The following QTMAN variants were observed in gnomAD, a reference collection of about 807,000 sequenced individuals.
QTMAN encodes queuosine-tRNA mannosyltransferase, also known as tRNA-queuosine alpha-mannosyltransferase.
chr2:143,942,763 A>T, the QTMAN span: 1 of 167,072 alleles, frequency 6.0e-6, no homozygotes, highest in East Asian at 1.9e-4. Context: ...GCTCCTGTTA[A>T]GCAGAGGAAA....
chr2:144,325,998 T>C, the QTMAN span, among the ~76,000 whole-genome samples: 2 of 152,218 alleles, frequency 1.3e-5, no homozygotes, highest in Admixed American at 6.5e-5. Context: ...TGGGATTGTA[T>C]AGAGAACAAA....
chr2:143,950,759 T>C, the QTMAN span, among the ~76,000 whole-genome samples: 1 of 151,608 alleles, frequency 6.6e-6, no homozygotes, highest in Non-Finnish European at 1.5e-5. Flanking sequence ...ACTACTGAAC[T>C]TTAAAAATTA....
At chr2:144,148,368 G>A in the QTMAN span, among the ~76,000 whole-genome samples, 1 of 151,784 alleles carries the variant, frequency 6.6e-6, no homozygotes, top group Non-Finnish European at 1.5e-5. Context: ...ATGTGAACAG[G>A]TGTGTAGTAA....
the QTMAN span, among the ~76,000 whole-genome samples, chr2:144,174,101 A>G: frequency 6.6e-6 from 1 of 152,210 alleles, no homozygotes; most frequent in Non-Finnish European, 1.5e-5. Context: ...ACTAACAAAG[A>G]TACCTTCAAA....
the QTMAN span, among the ~76,000 whole-genome samples, chr2:144,108,950 A>G: frequency 6.6e-6 from 1 of 152,234 alleles, no homozygotes; most frequent in Non-Finnish European, 1.5e-5. Context: ...ATGCTCATGG[A>G]TAGGAAGAAT....
chr2:144,087,774 A>T, the QTMAN span, among the ~76,000 whole-genome samples: 1 of 152,100 alleles, frequency 6.6e-6, no homozygotes, highest in Non-Finnish European at 1.5e-5. Context: ...AAACTCACCA[A>T]TCTAGGCATA....
chr2:144,189,973 T>C, the QTMAN span, among the ~76,000 whole-genome samples: 1 of 152,216 alleles, frequency 6.6e-6, no homozygotes. Context: ...ATTTAGTATT[T>C]TATAGTAAAT....
the QTMAN span, among the ~76,000 whole-genome samples, chr2:144,085,656 A>G: frequency 6.6e-6 from 1 of 152,250 alleles, no homozygotes; most frequent in East Asian, 1.9e-4. Flanking sequence ...CATCCAATAC[A>G]CCCAAGAGAT....
the QTMAN span, among the ~76,000 whole-genome samples, chr2:144,285,669 C>T: frequency 6.6e-6 from 1 of 152,052 alleles, no homozygotes; most frequent in Non-Finnish European, 1.5e-5. Flanking sequence ...GAAAAAGATA[C>T]AATTACAAAG....
At chr2:143,962,245 G>A in the QTMAN span, among the ~76,000 whole-genome samples, 1 of 152,112 alleles carries the variant, frequency 6.6e-6, no homozygotes, top group African/African-American at 2.4e-5. Context: ...GAAGGAAAGA[G>A]AAGAGGAAGG....
the QTMAN span, among the ~76,000 whole-genome samples, chr2:143,988,484 TTAA>T: frequency 3.3e-5 from 5 of 152,300 alleles, 1 homozygote; most frequent in South Asian, 1.0e-3. Context: ...GAAACACAGA[TTAA>T]TAATAGCAGC....
At chr2:144,174,995 T>C in the QTMAN span, among the ~76,000 whole-genome samples, 1 of 152,122 alleles carries the variant, frequency 6.6e-6, no homozygotes, top group Non-Finnish European at 1.5e-5. Context: ...CATGTAGATA[T>C]AATCCAACTG....
the QTMAN span, among the ~76,000 whole-genome samples, chr2:144,104,665 G>C: frequency 1.3e-5 from 2 of 152,214 alleles, no homozygotes; most frequent in Non-Finnish European, 2.9e-5. Context: ...TGCCTCTGTA[G>C]ACTCCACCTC....
At chr2:144,130,010 T>C in the QTMAN span, among the ~76,000 whole-genome samples, 6 of 148,954 alleles carry the variant, frequency 4.0e-5, no homozygotes, top group South Asian at 8.4e-4. Flanking sequence ...TATTGAAAAA[T>C]AACATAGTAG....
the QTMAN span, among the ~76,000 whole-genome samples, chr2:144,135,472 A>G: frequency 6.6e-6 from 1 of 152,336 alleles, no homozygotes; most frequent in Non-Finnish European, 1.5e-5. Flanking sequence ...GTTTCTTTGA[A>G]GTATTCCTCC....
chr2:143,982,357 A>C, the QTMAN span, among the ~76,000 whole-genome samples: 1 of 151,636 alleles, frequency 6.6e-6, no homozygotes. Flanking sequence ...CAGCTTACCA[A>C]GTATCTGGGA....
chr2:144,198,546 C>T, the QTMAN span, among the ~76,000 whole-genome samples: 2 of 152,086 alleles, frequency 1.3e-5, no homozygotes, highest in African/African-American at 4.8e-5. Flanking sequence ...CAGCATACAG[C>T]CAAAACACAG....
the QTMAN span, among the ~76,000 whole-genome samples, chr2:144,199,845 G>GA: frequency 0.01 from 1,528 of 151,912 alleles, 14 homozygotes; most frequent in Non-Finnish European, 0.017. Flanking sequence ...AGTTACAAAT[G>GA]AAAAAAATAA....
chr2:144,298,177 C>T, the QTMAN span, among the ~76,000 whole-genome samples: 2 of 151,788 alleles, frequency 1.3e-5, no homozygotes, highest in Non-Finnish European at 2.9e-5. Flanking sequence ...TGCCACCACA[C>T]CCAGCTAATT....
Sources: allele counts gnomAD v4.1 joint callset (sites outside exome capture counted in the v4.1 genomes callset), GRCh38; gene constraint gnomAD v4.1.1; transcripts MANE v1.5; gene names NCBI Gene and HGNC (gene_info 2026-07-23, HGNC 2026-07-21).